Variants in IQSEC1 observed in about 807,000 individuals in gnomAD.
IQSEC1 encodes IQ motif and Sec7 domain ArfGEF 1, also known as IQ motif and SEC7 domain-containing protein 1.
In IQSEC1, 31 loss-of-function variants were observed where a neutral mutation model predicts 91.0. The observed-to-expected ratio is 0.34, with a 90% confidence interval of 0.26 to 0.46. IQSEC1 has a LOEUF of 0.46. IQSEC1 is among the 20% of genes least tolerant of loss of function. The pLI is 1.00. For synonymous variants in IQSEC1, 699 were observed against 662.6 expected (o/e 1.05, Z -0.84); for missense variants, 1,388 against 1,575.6 (o/e 0.88, Z 2.02).
chr3:12,910,522 C>G (rs902033343), intron 10 of IQSEC1, among the ~76,000 whole-genome samples: 1 of 152,228 alleles, frequency 6.6e-6, no homozygotes, highest in African/African-American at 2.4e-5. Flanking sequence ...TGGCACTGGC[C>G]TCCCCTGGGA....
intron 1 of IQSEC1, 140 bp from the exon 2 acceptor site, chr3:12,942,005 G>T (rs993647079): frequency 2.7e-5 from 21 of 784,444 alleles, no homozygotes; most frequent in Non-Finnish European, 3.7e-5. Context: ...GAGTCCACAT[G>T]TGCAGCTGGC....
intron 12 of IQSEC1, among the ~76,000 whole-genome samples, chr3:12,905,111 C>T (rs777193031): frequency 1.3e-5 from 2 of 152,234 alleles, no homozygotes; most frequent in South Asian, 4.1e-4. Flanking sequence ...ATATCCCATG[C>T]GTACGCAGCC....
intron 7 of IQSEC1, 104 bp downstream of exon 7, chr3:12,915,490 G>T: frequency 7.7e-7 from 1 of 1,290,864 alleles, no homozygotes; most frequent in Non-Finnish European, 1.1e-6. Context: ...CAGCCCTGCT[G>T]GAAGAGACCA....
rs751755506 is a variant in IQSEC1, at chr3:13,061,987, G to A, written c.23+11005C>T. Among the ~76,000 whole-genome samples, 66 of 152,320 alleles carry A rather than the reference G, an allele frequency of 4.3e-4. 1 individual carries two copies. Among genetic ancestry groups the A allele is most frequent in the Non-Finnish European group, 1.2e-4 (8 of 68,028 alleles). ...TCCCAGGGCTGACCAGGGGGACTGA[G>A]GCTGCTGAGGGGGCTGAAGCCTCCA... On this transcript the variant is annotated intron_variant, in intron 1 of 13. Transcript: ENST00000613206.
At chr3:13,278,108 CAG>C (rs1695723728) in intron 1 of IQSEC1, among the ~76,000 whole-genome samples, 1 of 152,218 alleles carries the variant, frequency 6.6e-6, no homozygotes, top group Admixed American at 6.5e-5. Context: ...GGTAAATCAA[CAG>C]AGTCTGAATG....
chr3:12,913,548 G>A lies in IQSEC1; in HGVS notation c.2196C>T (p.Leu732=), dbSNP rs200709204. Residue 732 remains leucine (L), a synonymous_variant, in exon 9 of 14, where the codon CTC becomes CTT. Transcript: ENST00000613206. ...AGACCAACCGACGGTGGGGCAGAGA[G>A]AGCACCTGTGTGGGAAGAGGCTGTC... ...GSLHPGLGCV[L]SLPHRRLVCY... The A allele has an allele frequency of 7.4e-5, 118 of 1,603,220 alleles. No homozygotes were observed. In the East Asian group the frequency reaches 7.7e-4, roughly 10 times the overall value.
chr3:13,124,350 C>T (rs772492782), intron 2 of IQSEC1, among the ~76,000 whole-genome samples: 4 of 152,152 alleles, frequency 2.6e-5, no homozygotes, highest in Non-Finnish European at 5.9e-5. Context: ...AATTCGAGGA[C>T]TCTAGAATGT....
At chr3:13,031,124 G>T (rs1457772247) in intron 1 of IQSEC1, among the ~76,000 whole-genome samples, 2 of 152,256 alleles carry the variant, frequency 1.3e-5, no homozygotes, top group Non-Finnish European at 2.9e-5. Context: ...TGCCAAAGAT[G>T]CTGGGCTTAA....
intron 1 of IQSEC1, among the ~76,000 whole-genome samples, chr3:13,231,706 T>C (rs1036282479): frequency 6.6e-6 from 1 of 152,264 alleles, no homozygotes; most frequent in Non-Finnish European, 1.5e-5. Flanking sequence ...TGAATGTGAA[T>C]GTTTCTTCTA....
At chr3:13,050,765 G>A (rs190142880) in intron 1 of IQSEC1, among the ~76,000 whole-genome samples, 1 of 152,060 alleles carries the variant, frequency 6.6e-6, no homozygotes, top group Non-Finnish European at 1.5e-5. Flanking sequence ...GAACAGAGTC[G>A]GCATTCCATA....
At chr3:12,948,104 C>T (rs1275569893) in intron 1 of IQSEC1, among the ~76,000 whole-genome samples, 1 of 152,244 alleles carries the variant, frequency 6.6e-6, no homozygotes. Context: ...AATGCTGTGC[C>T]TCAGGTTCCT....
chr3:12,989,230 A>G (rs1490224570), intron 1 of IQSEC1, among the ~76,000 whole-genome samples: 1 of 152,238 alleles, frequency 6.6e-6, no homozygotes, highest in Non-Finnish European at 1.5e-5. Context: ...CTTTTGCTCC[A>G]GTGGTAACCC....
intron 2 of IQSEC1, among the ~76,000 whole-genome samples, chr3:13,104,497 T>TG (rs1182532700): frequency 6.6e-6 from 1 of 152,224 alleles, no homozygotes; most frequent in Non-Finnish European, 1.5e-5. Flanking sequence ...TGCGGACTCT[T>TG]GCAGCTTTCC....
At chr3:13,242,800 C>G (rs550501120) in intron 1 of IQSEC1, among the ~76,000 whole-genome samples, 1 of 151,924 alleles carries the variant, frequency 6.6e-6, no homozygotes, top group Admixed American at 6.6e-5. Flanking sequence ...GTTGGAGTTT[C>G]ATCTGACGCA....
intron 1 of IQSEC1, among the ~76,000 whole-genome samples, chr3:13,063,525 T>C (rs1360285306): frequency 6.6e-6 from 1 of 152,126 alleles, no homozygotes; most frequent in Non-Finnish European, 1.5e-5. Context: ...AGGGCTGTTC[T>C]GCAAGCCCAG....
At chr3:13,030,257 G>A (rs1010469217) in intron 1 of IQSEC1, among the ~76,000 whole-genome samples, 7 of 152,046 alleles carry the variant, frequency 4.6e-5, no homozygotes, top group South Asian at 2.1e-4. Context: ...ACCACCACAC[G>A]TAGCTATTTT....
At chr3:13,219,984 G>C (rs1251620420) in intron 1 of IQSEC1, among the ~76,000 whole-genome samples, 6 of 152,248 alleles carry the variant, frequency 3.9e-5, no homozygotes, top group Non-Finnish European at 8.8e-5. Context: ...AACCTGAAAC[G>C]TGGCAAAAGT....
chr3:13,158,527 C>A (rs1362554031), intron 2 of IQSEC1, among the ~76,000 whole-genome samples: 3 of 152,190 alleles, frequency 2.0e-5, no homozygotes, highest in African/African-American at 4.8e-5. Context: ...CCCACCGTCT[C>A]CAGAATCTCC....
At chr3:13,262,992 G>A (rs1695415050) in intron 1 of IQSEC1, among the ~76,000 whole-genome samples, 1 of 152,140 alleles carries the variant, frequency 6.6e-6, no homozygotes, top group South Asian at 2.1e-4. Context: ...CAATGTGAAT[G>A]TTCCCAGCAC....
Sources: gnomAD v4.1 joint callset for allele counts (sites outside exome capture counted in the v4.1 genomes callset) on GRCh38, gnomAD v4.1.1 for gene constraint, MANE v1.5 for transcripts, NCBI Gene and HGNC (gene_info 2026-07-23, HGNC 2026-07-21) for gene names.